SLC35F3: variants seen among roughly 807,000 people sequenced by gnomAD.
The protein encoded by SLC35F3 is putative thiamine transporter SLC35F3.
SLC35F3 carries 25 observed loss-of-function variants against 49.9 expected under a neutral mutation model. That is an observed-to-expected ratio of 0.50 (90% CI 0.37 to 0.70). SLC35F3 has a LOEUF of 0.70. Among genes scored for constraint, SLC35F3 ranks in the 30% least tolerant of loss-of-function variants. The probability of loss-of-function intolerance (pLI) is 0.00; values close to 1 mark genes in which losing one functional copy is unlikely to be tolerated. For synonymous variants in SLC35F3, 275 were observed against 265.4 expected, an observed-to-expected ratio of 1.04 and a Z score of -0.35; for missense variants, 525 against 639.8, an observed-to-expected ratio of 0.82 and a Z score of 1.94.
chr1:234,121,796 G>A (rs1665578918), intron 2 of SLC35F3, among the ~76,000 whole-genome samples: 1 of 152,168 alleles, frequency 6.6e-6, no homozygotes, highest in African/African-American at 2.4e-5. Flanking sequence ...TCCCACCTAT[G>A]AGTGAGAACA....
At chr1:233,973,224 C>T (rs1324204457) in intron 2 of SLC35F3, among the ~76,000 whole-genome samples, 1 of 152,170 alleles carries the variant, frequency 6.6e-6, no homozygotes, top group Non-Finnish European at 1.5e-5. Flanking sequence ...GTGAGAGCCA[C>T]AGCTTGCAAA....
Position 234,316,737 on chromosome 1 carries a change from G to C in SLC35F3, c.954+10G>C. On this transcript the variant is annotated intron_variant, in intron 5 of 7. Coordinates refer to ENST00000366618, the MANE Select transcript of SLC35F3 (RefSeq NM_173508.4). The stretch of plus-strand genomic sequence containing the variant: ...GTCTGCCCTCTACAAGGTACGCCCG[G>C]GGAGTGAACTTTCTCAGCTGGCTGG... The C allele has an allele frequency of 1.3e-6, 2 of 1,592,614 alleles. No individual in the cohort carries two copies. The highest frequency in any genetic ancestry group is 2.2e-5 in the South Asian group (2 of 90,324).
At chr1:234,093,879 A>G (rs573677303) in intron 2 of SLC35F3, among the ~76,000 whole-genome samples, 1 of 152,248 alleles carries the variant, frequency 6.6e-6, no homozygotes, top group Non-Finnish European at 1.5e-5. Context: ...AGGATGGGCA[A>G]GAAAAACTGG....
intron 2 of SLC35F3, among the ~76,000 whole-genome samples, chr1:234,005,034 T>A (rs550001916): frequency 5.1e-4 from 77 of 152,278 alleles, no homozygotes; most frequent in African/African-American, 1.7e-3. Flanking sequence ...TATTCTTGAT[T>A]AAAAGAATAA....
At chr1:234,224,274 C>T (rs898258548) in intron 2 of SLC35F3, among the ~76,000 whole-genome samples, 3 of 152,136 alleles carry the variant, frequency 2.0e-5, no homozygotes, top group Non-Finnish European at 2.9e-5. Flanking sequence ...GCCATGTTGC[C>T]AACACTGGTC....
intron 3 of SLC35F3, among the ~76,000 whole-genome samples, chr1:234,242,486 C>T (rs1382445018): frequency 6.6e-6 from 1 of 152,164 alleles, no homozygotes; most frequent in Non-Finnish European, 1.5e-5. Context: ...ATTTAAAGTG[C>T]GTATTGGTTT....
chr1:234,201,651 G>GTGAGCTTCTTCTCCTATT (rs1291486406), intron 2 of SLC35F3, among the ~76,000 whole-genome samples: 1 of 152,132 alleles, frequency 6.6e-6, no homozygotes, highest in Non-Finnish European at 1.5e-5. Flanking sequence ...TCTCCTATGA[G>GTGAGCTTCTTCTCCTATT]TATTTCCCAC....
intron 2 of SLC35F3, among the ~76,000 whole-genome samples, chr1:234,164,214 T>C (rs973132293): frequency 6.6e-6 from 1 of 151,836 alleles, no homozygotes; most frequent in African/African-American, 2.4e-5. Context: ...TATTTCTATC[T>C]ATTTCTTTAT....
At chr1:234,302,247 G>A (rs1668704622) in intron 3 of SLC35F3, among the ~76,000 whole-genome samples, 1 of 152,128 alleles carries the variant, frequency 6.6e-6, no homozygotes. Context: ...GATGTGGAGA[G>A]GTCAAAGGAA....
chr1:234,155,133 T>C (rs1322971981), intron 2 of SLC35F3, among the ~76,000 whole-genome samples: 1 of 152,222 alleles, frequency 6.6e-6, no homozygotes, highest in East Asian at 1.9e-4. Context: ...GTTATTTTTC[T>C]TTTTTGTTCA....
chr1:233,912,623 A>G (rs1440269898), intron 2 of SLC35F3, among the ~76,000 whole-genome samples: 3 of 152,218 alleles, frequency 2.0e-5, no homozygotes, highest in Admixed American at 1.3e-4. Flanking sequence ...CCCAGTGGAT[A>G]CTGTGGATAG....
intron 2 of SLC35F3, among the ~76,000 whole-genome samples, chr1:234,140,002 A>AATAAAATAATAAAATAAAAT: frequency 9.5e-6 from 1 of 105,368 alleles, no homozygotes; most frequent in Non-Finnish European, 2.4e-5. Context: ...AATAAAATAA[A>AATAAAATAATAAAATAAAAT]GTAAGTGACT....
intron 3 of SLC35F3, among the ~76,000 whole-genome samples, chr1:234,249,182 T>A (rs1422138763): frequency 6.6e-6 from 1 of 152,150 alleles, no homozygotes; most frequent in East Asian, 1.9e-4. Context: ...TCCTACCCAC[T>A]CAGTAGGACC....
chr1:233,949,971 T>G (rs1011197296), intron 2 of SLC35F3, among the ~76,000 whole-genome samples: 2 of 152,114 alleles, frequency 1.3e-5, no homozygotes, highest in Admixed American at 1.3e-4. Flanking sequence ...TAGTCAGGCC[T>G]GGTGGGGAAC....
At position 234,320,197 on chromosome 1, in the gene SLC35F3, T is replaced by C. The variant is rs1657583280; in HGVS notation, c.1237+10T>C. The stretch of plus-strand genomic sequence containing the variant: ...ATACCTGTGAATGCAGGTAAACCTA[T>C]GCGGCTTTCTATATCTGCACATAAG... On this transcript the variant is annotated intron_variant, in intron 7 of 7. Coordinates refer to ENST00000366618, the MANE Select transcript of SLC35F3 (RefSeq NM_173508.4). The surrounding 1 kb of genome is among the most constrained non-coding windows in gnomAD (Gnocchi z 4.8). 6.2e-7 allele frequency: 1 copy of C among 1,604,158 alleles called. No individual in the cohort carries two copies. Among genetic ancestry groups the C allele is most frequent in the South Asian group, 1.1e-5 (1 of 90,870 alleles).
chr1:234,228,031 T>C (rs1301404043), intron 2 of SLC35F3, among the ~76,000 whole-genome samples: 1 of 152,238 alleles, frequency 6.6e-6, no homozygotes, highest in African/African-American at 2.4e-5. Flanking sequence ...TATATTACTT[T>C]GTTATGGATG....
intron 2 of SLC35F3, among the ~76,000 whole-genome samples, chr1:234,164,003 A>G (rs2102914844): frequency 7.3e-6 from 1 of 137,286 alleles, no homozygotes; most frequent in African/African-American, 3.7e-5. Context: ...TCTCCTTCCT[A>G]ATGCAAAAAA....
At chr1:233,961,025 G>A (rs1253849706) in intron 2 of SLC35F3, among the ~76,000 whole-genome samples, 1 of 151,978 alleles carries the variant, frequency 6.6e-6, no homozygotes, top group Non-Finnish European at 1.5e-5. Flanking sequence ...TCTTGCTAGT[G>A]GTGCAGTTCC....
chr1:234,167,116 T>C (rs1049017048), intron 2 of SLC35F3, among the ~76,000 whole-genome samples: 1 of 152,218 alleles, frequency 6.6e-6, no homozygotes, highest in African/African-American at 2.4e-5. Context: ...AATTACTATC[T>C]ACCATTGCCT....
Sources: allele counts gnomAD v4.1 joint callset (sites outside exome capture counted in the v4.1 genomes callset), GRCh38; gene constraint gnomAD v4.1.1; non-coding constraint Gnocchi (gnomAD v3.1); transcripts MANE v1.5; gene names NCBI Gene and HGNC (gene_info 2026-07-23, HGNC 2026-07-21).